PSMA6: variants seen among roughly 807,000 people sequenced by gnomAD.
PSMA6 encodes proteasome subunit alpha type-6.
For missense variants in PSMA6, 170 were observed against 294.8 expected (o/e 0.58, Z 3.10); for synonymous variants, 88 against 97.7 (o/e 0.90, Z 0.59).
At chr14:35,308,768 G>A (rs768307561) in intron 2 of PSMA6, 146 bp from the exon 3 acceptor site, 1 of 580,866 alleles carries the variant, frequency 1.7e-6, no homozygotes, top group Admixed American at 3.4e-5. Context: ...ATGATCAGAA[G>A]ACATTTATTA....
intron 1 of PSMA6, among the ~76,000 whole-genome samples, chr14:35,279,637 C>G (rs916871370): frequency 2.0e-5 from 3 of 152,162 alleles, no homozygotes; most frequent in African/African-American, 7.2e-5. Context: ...TGATCTCCAA[C>G]TCCTAAAGAA....
At chr14:35,297,189 C>G (rs2051611329) in intron 1 of PSMA6, among the ~76,000 whole-genome samples, 1 of 100,984 alleles carries the variant, frequency 9.9e-6, no homozygotes, top group Non-Finnish European at 1.9e-5. Flanking sequence ...CTTTCTTTGT[C>G]CCAGTAGAAC....
At chr14:35,287,663 A>G (rs1435606952), upstream of PSMA6, among the ~76,000 whole-genome samples, 1 of 152,186 alleles carries the variant, frequency 6.6e-6, no homozygotes, top group African/African-American at 2.4e-5. Context: ...GACTCACGAG[A>G]TGTCAAGTCA....
rs1047814550 is a variant in PSMA6 at position 35,314,706 on chromosome 14, CT to C, written c.683+253del. 8.5e-5 allele frequency: 23 copies of C among 272,154 alleles called. 1 individual carries two copies. Among genetic ancestry groups the C allele is most frequent in the Non-Finnish European group, 1.5e-4 (23 of 156,368 alleles). The allele number at this position is 272,154 out of a possible 1,614,324, so 16.9% of individuals were successfully genotyped here. ...AACACCAGAGATGACATAAAGTTAC[CT>C]TCCTTATGTAAGGAAAAAAATTAGC... is the stretch of plus-strand genomic sequence containing the variant. On this transcript the variant is annotated intron_variant, in intron 6 of 6. Transcript: ENST00000261479.
upstream of PSMA6, among the ~76,000 whole-genome samples, chr14:35,289,645 A>G (rs1283359988): frequency 1.3e-5 from 2 of 152,086 alleles, no homozygotes; most frequent in African/African-American, 4.8e-5. Context: ...GCCTAAATTT[A>G]TGAATTATAT....
At chr14:35,303,283 C>T (rs1385833302) in intron 1 of PSMA6, among the ~76,000 whole-genome samples, 8 of 152,106 alleles carry the variant, frequency 5.3e-5, no homozygotes, top group Non-Finnish European at 7.4e-5. Context: ...TTAACTAGGC[C>T]GCTTGGAGTC....
rs951181685 is a variant in PSMA6, at chr14:35,315,409, A to AT, written c.683+954_683+955insT. On this transcript the variant is annotated intron_variant, in intron 6 of 6. Coordinates refer to ENST00000261479, the MANE Select transcript of PSMA6 (RefSeq NM_002791.3). ...TTCATAGGACTTTAAAAAAAAAAAAACAGCTGGGTGCTGTGGCATGCATCT... is the reference window on the plus strand; with the variant it reads ...TTCATAGGACTTTAAAAAAAAAAAAATCAGCTGGGTGCTGTGGCATGCATCT... 8 of 151,936 alleles carry AT rather than the reference A, an allele frequency of 5.3e-5. 1 individual carries two copies. The highest frequency in any genetic ancestry group is 1.9e-4 in the African/African-American group (8 of 41,478). 9.4% of individuals were successfully genotyped at this position (151,936 alleles called of 1,614,324 possible).
At chr14:35,305,809 T>C (rs1009409370) in intron 1 of PSMA6, among the ~76,000 whole-genome samples, 9 of 152,234 alleles carry the variant, frequency 5.9e-5, no homozygotes, top group African/African-American at 2.2e-4. Context: ...GATTACAAAA[T>C]ATGTGCCCAG....
chr14:35,311,696 A>T (rs1036422155), intron 4 of PSMA6, among the ~76,000 whole-genome samples: 7 of 152,158 alleles, frequency 4.6e-5, no homozygotes, highest in Non-Finnish European at 1.0e-4. Flanking sequence ...AAATTTAATG[A>T]TGGTGTTTAT....
At chr14:35,310,978 C>A in intron 4 of PSMA6, 83 bp downstream of exon 4, 2 of 1,366,436 alleles carry the variant, frequency 1.5e-6, no homozygotes, top group Non-Finnish European at 2.0e-6. Flanking sequence ...TTAAATAACA[C>A]TTGAGTTCTG....
At chr14:35,304,726 C>CAAAAAA (rs34824477) in intron 1 of PSMA6, among the ~76,000 whole-genome samples, 6 of 124,094 alleles carry the variant, frequency 4.8e-5, no homozygotes, top group Admixed American at 3.3e-4. Context: ...AACTCCATCT[C>CAAAAAA]AAAAAAAAAA....
At chr14:35,314,130 A>G (rs1333946323) in intron 5 of PSMA6, 4 of 265,660 alleles carry the variant, frequency 1.5e-5, no homozygotes, top group Non-Finnish European at 2.8e-5. Context: ...ACCTTTTTGT[A>G]TAAATCATCC....
In PSMA6 at chr14:35,317,146, T is replaced by C. The variant is rs553570670; in HGVS notation, c.684-103T>C. The C allele has an allele frequency of 2.9e-3, 2,244 of 784,480 alleles. 7 individuals are homozygous for C. Among genetic ancestry groups the C allele is most frequent in the South Asian group, 3.8e-3 (259 of 67,508 alleles). 48.6% of individuals were successfully genotyped at this position (784,480 alleles called of 1,614,324 possible). On this transcript the variant is annotated intron_variant, in intron 6 of 6. Coordinates refer to ENST00000261479, the MANE Select transcript of PSMA6 (RefSeq NM_002791.3). The stretch of plus-strand genomic sequence containing the variant: ...GTTTATAAATTGATAATTGTTAAAG[T>C]AGGTTGATAGGTATATGGGAGTTTA...
chr14:35,303,997 G>C (rs1399553472), intron 1 of PSMA6, among the ~76,000 whole-genome samples: 2 of 150,870 alleles, frequency 1.3e-5, no homozygotes, highest in African/African-American at 4.9e-5. Flanking sequence ...TTTTTAGACG[G>C]AGTCTCGCTC....
At chr14:35,287,623 C>T (rs988751354), upstream of PSMA6, among the ~76,000 whole-genome samples, 28 of 152,156 alleles carry the variant, frequency 1.8e-4, no homozygotes, top group African/African-American at 6.8e-4. Flanking sequence ...GTGGGCCTTG[C>T]CAAACGGAGG....
At chr14:35,286,855 G>A (rs1280070639) in intron 1 of PSMA6, among the ~76,000 whole-genome samples, 2 of 152,026 alleles carry the variant, frequency 1.3e-5, no homozygotes, top group East Asian at 1.9e-4. Flanking sequence ...GAGGGTAGAA[G>A]AACCACACTA....
At chr14:35,301,716 C>T (rs914471917) in intron 1 of PSMA6, among the ~76,000 whole-genome samples, 5 of 152,140 alleles carry the variant, frequency 3.3e-5, no homozygotes, top group African/African-American at 9.7e-5. Flanking sequence ...GGTGCATTCT[C>T]TGTTGAGAAG....
At chr14:35,293,723 A>C (rs1434377462) in intron 1 of PSMA6, among the ~76,000 whole-genome samples, 1 of 152,220 alleles carries the variant, frequency 6.6e-6, no homozygotes, top group Non-Finnish European at 1.5e-5. Context: ...TAAAGATAGA[A>C]CAAAGAGATA....
chr14:35,297,289 CACTGCAA>C (rs1329192115), intron 1 of PSMA6, among the ~76,000 whole-genome samples: 1 of 151,834 alleles, frequency 6.6e-6, no homozygotes, highest in Non-Finnish European at 1.5e-5. Flanking sequence ...AATCTCTGCT[CACTGCAA>C]ACTCCGCCTC....
Sources: gnomAD v4.1 joint callset for allele counts (sites outside exome capture counted in the v4.1 genomes callset) on GRCh38, gnomAD v4.1.1 for gene constraint, MANE v1.5 for transcripts, NCBI Gene and HGNC (gene_info 2026-07-23, HGNC 2026-07-21) for gene names.